RFX3: variants seen among roughly 807,000 people sequenced by gnomAD.
RFX3 encodes the protein transcription factor RFX3.
Under a neutral mutation model 98.6 loss-of-function variants are expected in RFX3, and 14 were observed. That is an observed-to-expected ratio of 0.14 (90% CI 0.09 to 0.22). The LOEUF (loss-of-function observed/expected upper bound fraction) is 0.22, where lower values mean the gene tolerates loss of function less well. Ranked by LOEUF, RFX3 falls within the 10% of genes least tolerant of loss-of-function variation. The pLI is 1.00. For synonymous variants in RFX3, 383 were observed against 328.4 expected (o/e 1.17, Z -1.80); for missense variants, 639 against 926.9 (o/e 0.69, Z 4.03).
intron 2 of RFX3, among the ~76,000 whole-genome samples, chr9:3,382,712 A>T (rs10814038): frequency 0.28 from 42,293 of 152,036 alleles, 7,449 homozygotes; most frequent in African/African-American, 0.5. Context: ...TTCTTAATTA[A>T]CATCTGTTTT....
intron 3 of RFX3, among the ~76,000 whole-genome samples, chr9:3,334,450 T>C (rs1832938855): frequency 2.0e-5 from 3 of 152,212 alleles, no homozygotes; most frequent in Admixed American, 2.0e-4. Context: ...GCCCTCTTTG[T>C]ATCATTATAC....
At chr9:3,465,810 G>C (rs1262310666) in intron 1 of RFX3, among the ~76,000 whole-genome samples, 1 of 151,870 alleles carries the variant, frequency 6.6e-6, no homozygotes, top group African/African-American at 2.4e-5. Context: ...GTATTGCTAT[G>C]GTGAAAAAAA....
intron 4 of RFX3, 83 bp from the exon 5 acceptor site, chr9:3,301,703 A>T (rs1828679376): frequency 2.0e-6 from 2 of 977,966 alleles, no homozygotes; most frequent in Non-Finnish European, 3.1e-6. Context: ...TAGATTCTTT[A>T]AAGTCCAACT....
At chr9:3,472,098 C>A (rs562470935) in intron 1 of RFX3, among the ~76,000 whole-genome samples, 1 of 152,262 alleles carries the variant, frequency 6.6e-6, no homozygotes, top group South Asian at 2.1e-4. Context: ...AAAATATAAT[C>A]TTAGGCCATC....
chr9:3,301,456 A>T, intron 5 of RFX3, 90 bp downstream of exon 5: 1 of 875,900 alleles, frequency 1.1e-6, no homozygotes, highest in Admixed American at 2.0e-5. Context: ...AGCAAAATAA[A>T]TAAGTAAATA....
At chr9:3,366,710 CTTT>C (rs779404105) in intron 2 of RFX3, among the ~76,000 whole-genome samples, 2 of 91,940 alleles carry the variant, frequency 2.2e-5, no homozygotes, top group Non-Finnish European at 4.4e-5. Context: ...TTCTTTCTTT[CTTT>C]CTTTCTTTCT....
rs919400805 is a variant in RFX3 at position 3,365,266 on chromosome 9, C to T, written c.118-18502G>A. On this transcript the variant is annotated intron_variant, in intron 2 of 16. Transcript: ENST00000617270. ...AGTGAGCCGAGATCACACCATTGCA[C>T]TCCAGCCTGGTGACAGAGAGACTCA... Among the ~76,000 whole-genome samples, 3 of 148,114 alleles carry T rather than the reference C, an allele frequency of 2.0e-5. No individual in the cohort carries two copies. In the Admixed American group the frequency reaches 2.0e-4, roughly 10 times the overall value.
intron 1 of RFX3, among the ~76,000 whole-genome samples, chr9:3,478,341 C>T (rs1234144449): frequency 6.7e-6 from 1 of 150,034 alleles, no homozygotes; most frequent in African/African-American, 2.4e-5. Flanking sequence ...TTCTTTAGTA[C>T]TTTCATGAAC....
At chr9:3,524,647 T>G in intron 1 of RFX3, 1 of 982,896 alleles carries the variant, frequency 1.0e-6, no homozygotes, top group Non-Finnish European at 1.2e-6. Context: ...CCTTCCCTGT[T>G]CATCACAAAG....
At chr9:3,446,348 G>A (rs994968458) in intron 1 of RFX3, among the ~76,000 whole-genome samples, 9 of 151,996 alleles carry the variant, frequency 5.9e-5, no homozygotes, top group Middle Eastern at 3.2e-3. Flanking sequence ...TCCTACTTGT[G>A]TGATCCTATT....
chr9:3,341,817 A>G lies in RFX3; in HGVS notation c.215+4850T>C, dbSNP rs746814561. On this transcript the variant is annotated intron_variant, in intron 3 of 16. Coordinates refer to ENST00000617270, the MANE Select transcript of RFX3 (RefSeq NM_001282116.2). Reference sequence around the variant, plus strand: ...CAAGTGGATTCACAAATCAACTCCTATACCAGTCAGAATGTGTACATACGT... The same window carrying G: ...CAAGTGGATTCACAAATCAACTCCTGTACCAGTCAGAATGTGTACATACGT... Among the ~76,000 whole-genome samples, 4 of 152,350 alleles carry G rather than the reference A, an allele frequency of 2.6e-5. No individual in the cohort carries two copies. The East Asian group carries it at 7.7e-4, about 29-fold the overall frequency.
chr9:3,412,758 A>G (rs1382248983), intron 1 of RFX3, among the ~76,000 whole-genome samples: 1 of 152,176 alleles, frequency 6.6e-6, no homozygotes. Flanking sequence ...ACTTATAACT[A>G]GCTTTGAATG....
At chr9:3,306,657 G>A (rs1359590596) in intron 4 of RFX3, among the ~76,000 whole-genome samples, 27 of 150,564 alleles carry the variant, frequency 1.8e-4, no homozygotes, top group Admixed American at 1.5e-3. Flanking sequence ...GCTAAATGAC[G>A]AATTAATGGG....
intron 1 of RFX3, among the ~76,000 whole-genome samples, chr9:3,410,308 T>C (rs1487150787): frequency 1.3e-5 from 2 of 151,988 alleles, no homozygotes; most frequent in East Asian, 3.9e-4. Flanking sequence ...ATACTTTACA[T>C]AGAGTATCTT....
chr9:3,379,482 T>C (rs1396335726), intron 2 of RFX3, among the ~76,000 whole-genome samples: 2 of 152,160 alleles, frequency 1.3e-5, no homozygotes, highest in Non-Finnish European at 2.9e-5. Flanking sequence ...TAAGACTGGT[T>C]CTCTTTCTCC....
chr9:3,302,608 T>C (rs997088199), intron 4 of RFX3, among the ~76,000 whole-genome samples: 4 of 151,834 alleles, frequency 2.6e-5, no homozygotes, highest in African/African-American at 7.2e-5. Context: ...ACATCAACAA[T>C]TCAGTATAAG....
At chr9:3,424,652 G>A (rs985563392) in intron 1 of RFX3, among the ~76,000 whole-genome samples, 6 of 151,920 alleles carry the variant, frequency 3.9e-5, no homozygotes, top group East Asian at 3.9e-4. Context: ...GAGCCACCGC[G>A]CCCGGCCCAT....
intron 1 of RFX3, among the ~76,000 whole-genome samples, chr9:3,419,489 C>A (rs1410160343): frequency 6.6e-6 from 1 of 152,268 alleles, no homozygotes; most frequent in East Asian, 1.9e-4. Context: ...CTGAGGCAAA[C>A]CCTTCTTACC....
At chr9:3,291,718 T>C (rs1827380525) in intron 6 of RFX3, among the ~76,000 whole-genome samples, 1 of 152,160 alleles carries the variant, frequency 6.6e-6, no homozygotes, top group African/African-American at 2.4e-5. Context: ...ATCAATCTTT[T>C]CTTCCTACAA....
Sources: allele counts gnomAD v4.1 joint callset (sites outside exome capture counted in the v4.1 genomes callset), GRCh38; gene constraint gnomAD v4.1.1; transcripts MANE v1.5; gene names NCBI Gene and HGNC (gene_info 2026-07-23, HGNC 2026-07-21).